The following PPARGC1A variants were observed in gnomAD, a reference collection of about 807,000 sequenced individuals.
PPARGC1A encodes the protein peroxisome proliferator-activated receptor gamma coactivator 1-alpha.
In PPARGC1A, 25 loss-of-function variants were observed where a neutral mutation model predicts 88.7. That is an observed-to-expected ratio of 0.28 (90% CI 0.21 to 0.39). The LOEUF (loss-of-function observed/expected upper bound fraction) is 0.39, where lower values mean the gene tolerates loss of function less well. PPARGC1A is among the 10% of genes least tolerant of loss of function. The pLI is 1.00. For missense variants in PPARGC1A, 880 were observed against 968.7 expected (o/e 0.91, Z 1.22); for synonymous variants, 363 against 355.6 (o/e 1.02, Z -0.24).
chr4:24,256,139 C>T, the PPARGC1A span, among the ~76,000 whole-genome samples: 1 of 152,188 alleles, frequency 6.6e-6, no homozygotes, highest in African/African-American at 2.4e-5. Context: ...AAGACTGGAA[C>T]TAGACTAGTA....
the PPARGC1A span, among the ~76,000 whole-genome samples, chr4:24,211,214 T>A: frequency 6.6e-6 from 1 of 152,064 alleles, no homozygotes; most frequent in Non-Finnish European, 1.5e-5. Context: ...AATATTATCA[T>A]CCTCTTCTAA....
the PPARGC1A span, among the ~76,000 whole-genome samples, chr4:24,393,983 T>G: frequency 6.6e-6 from 1 of 152,114 alleles, no homozygotes; most frequent in Non-Finnish European, 1.5e-5. Flanking sequence ...AAGAGAAATT[T>G]TATGGCACTA....
the PPARGC1A span, among the ~76,000 whole-genome samples, chr4:24,324,142 C>T: frequency 7.9e-4 from 121 of 152,308 alleles, 1 homozygote; most frequent in African/African-American, 2.6e-3. Flanking sequence ...CACGCAGGGA[C>T]GCCTGCCTTG....
At chr4:24,384,300 T>C in the PPARGC1A span, among the ~76,000 whole-genome samples, 1 of 152,078 alleles carries the variant, frequency 6.6e-6, no homozygotes, top group African/African-American at 2.4e-5. Context: ...TAAAGACCAT[T>C]GATGCTAGGA....
the PPARGC1A span, among the ~76,000 whole-genome samples, chr4:24,309,680 C>G: frequency 6.6e-6 from 1 of 152,230 alleles, no homozygotes; most frequent in East Asian, 1.9e-4. Context: ...CTCCTGGGCT[C>G]AAGGGATCCT....
the PPARGC1A span, among the ~76,000 whole-genome samples, chr4:24,265,122 T>G: frequency 2.0e-5 from 3 of 152,190 alleles, no homozygotes; most frequent in Non-Finnish European, 4.4e-5. Flanking sequence ...GAAAAGACTT[T>G]GGGAAATGTG....
the PPARGC1A span, among the ~76,000 whole-genome samples, chr4:24,021,933 T>C: frequency 6.6e-6 from 1 of 152,162 alleles, no homozygotes; most frequent in Non-Finnish European, 1.5e-5. Flanking sequence ...CCTTGCTAAA[T>C]AGATGATGCA....
the PPARGC1A span, among the ~76,000 whole-genome samples, chr4:24,108,268 T>A: frequency 1.3e-5 from 2 of 152,150 alleles, no homozygotes; most frequent in African/African-American, 4.8e-5. Context: ...CTTCCTCCCA[T>A]TTCAACAAGC....
the PPARGC1A span, among the ~76,000 whole-genome samples, chr4:24,172,358 A>AT: frequency 6.6e-6 from 1 of 152,014 alleles, no homozygotes; most frequent in Non-Finnish European, 1.5e-5. Flanking sequence ...TCATTCATTC[A>AT]TTTTTTAAAG....
the PPARGC1A span, among the ~76,000 whole-genome samples, chr4:24,064,565 A>G: frequency 6.6e-6 from 1 of 152,074 alleles, no homozygotes; most frequent in East Asian, 1.9e-4. Context: ...AAAACGAGAC[A>G]CAAAGCCTCC....
intron 2 of PPARGC1A, among the ~76,000 whole-genome samples, chr4:23,839,456 G>T (rs1446583422): frequency 6.6e-6 from 1 of 152,074 alleles, no homozygotes; most frequent in East Asian, 1.9e-4. Flanking sequence ...CATTCTATTT[G>T]TTCTCAAGTT....
the PPARGC1A span, among the ~76,000 whole-genome samples, chr4:24,369,848 G>C: frequency 0.35 from 53,666 of 152,098 alleles, 9,589 homozygotes; most frequent in South Asian, 0.4. Flanking sequence ...AGCAGGGGCT[G>C]GGCAAGTCAC....
chr4:24,347,002 A>T, the PPARGC1A span, among the ~76,000 whole-genome samples: 1 of 152,110 alleles, frequency 6.6e-6, no homozygotes, highest in Non-Finnish European at 1.5e-5. Flanking sequence ...AGAATTTTTT[A>T]ATTTCCATCT....
chr4:24,364,174 G>C, the PPARGC1A span, among the ~76,000 whole-genome samples: 2 of 152,162 alleles, frequency 1.3e-5, no homozygotes, highest in Non-Finnish European at 2.9e-5. Context: ...GGAATGGAAA[G>C]AGAAGCCAGC....
the PPARGC1A span, among the ~76,000 whole-genome samples, chr4:24,052,241 A>G: frequency 6.6e-6 from 1 of 152,202 alleles, no homozygotes; most frequent in Non-Finnish European, 1.5e-5. Context: ...CACAATGAAT[A>G]CACGTAAGAA....
chr4:24,086,889 T>A, the PPARGC1A span, among the ~76,000 whole-genome samples: 1 of 152,226 alleles, frequency 6.6e-6, no homozygotes, highest in Admixed American at 6.5e-5. Flanking sequence ...CCCCATTTTA[T>A]AGCTGAGAAA....
the PPARGC1A span, among the ~76,000 whole-genome samples, chr4:24,303,192 T>C: frequency 7.6e-4 from 115 of 152,226 alleles, no homozygotes; most frequent in African/African-American, 2.6e-3. Context: ...AAGATAGGAG[T>C]TATTTTTGAG....
the PPARGC1A span, among the ~76,000 whole-genome samples, chr4:24,257,110 C>T: frequency 6.6e-6 from 1 of 152,062 alleles, no homozygotes; most frequent in African/African-American, 2.4e-5. Flanking sequence ...AGAGATACAT[C>T]GAGGTTGGAT....
chr4:24,249,531 C>T, the PPARGC1A span, among the ~76,000 whole-genome samples: 1 of 152,152 alleles, frequency 6.6e-6, no homozygotes, highest in African/African-American at 2.4e-5. Context: ...CTCAGGGTCT[C>T]GCGCCATGAA....
Sources: allele counts gnomAD v4.1 joint callset (sites outside exome capture counted in the v4.1 genomes callset), GRCh38; gene constraint gnomAD v4.1.1; transcripts MANE v1.5; gene names NCBI Gene and HGNC (gene_info 2026-07-23, HGNC 2026-07-21).